The following CYTH4 variants were observed in gnomAD, a reference collection of about 807,000 sequenced individuals.
CYTH4 encodes the protein cytohesin 4, also known as cytohesin-4.
A neutral mutation model predicts 57.5 loss-of-function variants in CYTH4; 22 were observed. That is an observed-to-expected ratio of 0.38 (90% confidence interval 0.27 to 0.55). CYTH4 has a LOEUF of 0.55. CYTH4 is among the 20% of genes least tolerant of loss of function. The pLI is 0.74. For missense variants in CYTH4, 420 were observed against 535.6 expected, an observed-to-expected ratio of 0.78 and a Z score of 2.13; for synonymous variants, 186 against 206.5, an observed-to-expected ratio of 0.90 and a Z score of 0.85.
Position 37,283,595 on chromosome 22 carries a change from G to A in CYTH4, c.19+1007G>A, listed in dbSNP as rs1174886048. Reference sequence around the variant, plus strand: ...CCCCAGATGGAAGCCTCGGGCCCCAGGGAACCCAGAGAACCACTGATCCAT... The same window carrying A: ...CCCCAGATGGAAGCCTCGGGCCCCAAGGAACCCAGAGAACCACTGATCCAT... On this transcript the variant is annotated intron_variant, in intron 1 of 12. Coordinates refer to ENST00000248901, the MANE Select transcript of CYTH4 (RefSeq NM_013385.5). Among the ~76,000 whole-genome samples, 3 of 151,026 alleles carry A rather than the reference G, an allele frequency of 2.0e-5. No individual in the cohort carries two copies. The East Asian group carries it at 5.9e-4, about 30-fold the overall frequency.
chr22:37,285,966 C>G (rs1928543160), intron 1 of CYTH4, among the ~76,000 whole-genome samples: 1 of 152,204 alleles, frequency 6.6e-6, no homozygotes, highest in Non-Finnish European at 1.5e-5. Context: ...CACGAACACA[C>G]TTGTCAACCA....
chr22:37,291,252 T>A (rs1928737165), intron 1 of CYTH4, among the ~76,000 whole-genome samples: 1 of 152,044 alleles, frequency 6.6e-6, no homozygotes, highest in Non-Finnish European at 1.5e-5. Context: ...ACATGATGAG[T>A]CTTCTCCACA....
intron 9 of CYTH4, chr22:37,310,150 A>G: frequency 2.7e-6 from 1 of 364,666 alleles, no homozygotes; most frequent in South Asian, 2.1e-5. Flanking sequence ...CAGAACCCCC[A>G]GGAGCCCATG....
chr22:37,294,447 T>C (rs1254275802), intron 2 of CYTH4, among the ~76,000 whole-genome samples: 1 of 151,616 alleles, frequency 6.6e-6, no homozygotes, highest in Non-Finnish European at 1.5e-5. Context: ...ACAGAGGTGA[T>C]AGTTTAGCAT....
At chr22:37,290,654 G>A (rs1928716221) in intron 1 of CYTH4, among the ~76,000 whole-genome samples, 2 of 152,104 alleles carry the variant, frequency 1.3e-5, no homozygotes, top group South Asian at 4.1e-4. Context: ...GACTACAGGT[G>A]CCCACCACCA....
chr22:37,312,088 C>A lies in CYTH4; in HGVS notation c.1026C>A (p.Asp342Glu), dbSNP rs201433022. 1 of 1,614,198 alleles carries A rather than the reference C, an allele frequency of 6.2e-7. No homozygotes were observed. The highest frequency in any genetic ancestry group is 8.5e-7 in the Non-Finnish European group (1 of 1,180,038). ...TCAAGGCCTGCAAGACCGATGGCGA[C>A]GGCAGGGTGGTGGAGGGCAAGCACG... ...QKIKACKTDG[D>E]GRVVEGKHES... Residue 342 changes from aspartate (D) to glutamate (E), a missense_variant, in exon 12 of 13, where the codon GAC becomes GAA. Physicochemically the swap from Asp to Glu is conservative, Grantham distance 45. Coordinates refer to ENST00000248901, the MANE Select transcript of CYTH4 (RefSeq NM_013385.5).
intron 1 of CYTH4, among the ~76,000 whole-genome samples, chr22:37,288,778 G>A (rs1928645539): frequency 6.6e-6 from 1 of 152,218 alleles, no homozygotes; most frequent in Non-Finnish European, 1.5e-5. Context: ...TCACCTCCAG[G>A]CTGACACCTC....
intron 1 of CYTH4, among the ~76,000 whole-genome samples, chr22:37,287,690 C>T (rs574653632): frequency 2.6e-5 from 4 of 152,304 alleles, no homozygotes; most frequent in East Asian, 3.9e-4. Context: ...TGGGAATCCA[C>T]CTCTCCTGGG....
rs753157065 is a variant in CYTH4 at position 37,313,558 on chromosome 22, C to T, written c.*47C>T. 1.2e-5 allele frequency: 19 copies of T among 1,573,546 alleles called. 1 individual carries two copies. The South Asian group carries it at 1.4e-4, about 12-fold the overall frequency. ...GGGCTGGTCACCCTGAGAGTCCCAT[C>T]GCCTGCAGCACCTGGAGACCCACCT... On this transcript the variant is annotated 3_prime_UTR_variant, in exon 13 of 13. Coordinates refer to ENST00000248901, the MANE Select transcript of CYTH4 (RefSeq NM_013385.5).
rs557143234 is a variant in CYTH4 at position 37,314,925 on chromosome 22, C to G, written c.*1414C>G. On this transcript the variant is annotated 3_prime_UTR_variant, in exon 13 of 13. Transcript: ENST00000248901. ...CACATTTGCACACCTTCCACAGGGT[C>G]AGGATGGAGTAGCTGCCTTGCGAGG... 6.5e-6 allele frequency: 1 copy of G among 153,020 alleles called. No individual in the cohort carries two copies. Among genetic ancestry groups the G allele is most frequent in the Admixed American group, 6.5e-5 (1 of 15,326 alleles). The allele number at this position is 153,020 out of a possible 1,614,324, so 9.5% of individuals were successfully genotyped here.
chr22:37,308,344 CATGT>C (rs1029847434), intron 8 of CYTH4, among the ~76,000 whole-genome samples: 4 of 152,154 alleles, frequency 2.6e-5, no homozygotes, highest in African/African-American at 4.8e-5. Context: ...TGTAAGCATG[CATGT>C]GTGTGTGGGC....
At chr22:37,303,151 A>G in intron 7 of CYTH4, 103 bp from the exon 8 acceptor site, 3 of 1,463,338 alleles carry the variant, frequency 2.1e-6, no homozygotes, top group South Asian at 2.6e-5. Context: ...GACAAGGTGG[A>G]CCTTCGGGGC....
intron 6 of CYTH4, 68 bp downstream of exon 6, chr22:37,299,374 G>A (rs1035976590): frequency 6.7e-5 from 89 of 1,337,746 alleles, no homozygotes; most frequent in Middle Eastern, 1.8e-4. Flanking sequence ...GGGGTGTCGC[G>A]ATCCACATAG....
At chr22:37,284,589 G>A (rs553523307) in intron 1 of CYTH4, among the ~76,000 whole-genome samples, 9 of 152,258 alleles carry the variant, frequency 5.9e-5, no homozygotes, top group African/African-American at 7.2e-5. Flanking sequence ...TCATCTCTAC[G>A]TGGGTGCCAT....
intron 1 of CYTH4, among the ~76,000 whole-genome samples, chr22:37,286,959 GGAAA>G: frequency 1.3e-5 from 2 of 152,278 alleles, no homozygotes; most frequent in South Asian, 4.1e-4. Flanking sequence ...CCATGGAAGG[GGAAA>G]GAAATAGACA....
At chr22:37,300,080 A>C in intron 6 of CYTH4, 1 of 717,544 alleles carries the variant, frequency 1.4e-6, no homozygotes, top group Non-Finnish European at 2.6e-6. Flanking sequence ...GGTTGTGAAG[A>C]CTAAATGGGA....
intron 1 of CYTH4, among the ~76,000 whole-genome samples, chr22:37,284,238 A>G (rs1229549279): frequency 6.6e-6 from 1 of 151,956 alleles, no homozygotes; most frequent in African/African-American, 2.4e-5. Context: ...TCATTCATTC[A>G]CTCTACAAAC....
intron 2 of CYTH4, among the ~76,000 whole-genome samples, chr22:37,294,211 C>A (rs1424795799): frequency 2.5e-5 from 1 of 39,732 alleles, no homozygotes; most frequent in Non-Finnish European, 4.9e-5. Flanking sequence ...TGGAGGCGGG[C>A]GGGGGGTGCA....
chr22:37,292,549 G>A (rs928286194), intron 1 of CYTH4, 72 bp from the exon 2 acceptor site: 16 of 1,497,580 alleles, frequency 1.1e-5, no homozygotes, highest in South Asian at 1.0e-4. Context: ...AGGGAAGGGG[G>A]CCCTGCAGAA....
Sources: gnomAD v4.1 joint callset for allele counts (sites outside exome capture counted in the v4.1 genomes callset) on GRCh38, gnomAD v4.1.1 for gene constraint, MANE v1.5 for transcripts, NCBI Gene and HGNC (gene_info 2026-07-23, HGNC 2026-07-21) for gene names.